Variants in SGCZ observed in about 807,000 individuals in gnomAD.
SGCZ encodes the protein zeta-sarcoglycan.
Under a neutral mutation model 41.3 loss-of-function variants are expected in SGCZ, and 40 were observed. The observed-to-expected ratio is 0.97, with a 90% CI of 0.75 to 1.26. SGCZ has a LOEUF of 1.26. SGCZ is among the 50% of genes most tolerant of loss of function. SGCZ has a pLI of 0.00. For missense variants in SGCZ, 552 were observed against 369.8 expected, an observed-to-expected ratio of 1.49 and a Z score of -4.04; for synonymous variants, 206 against 137.5, an observed-to-expected ratio of 1.50 and a Z score of -3.49.
chr8:14,240,895 C>A (rs896617186), intron 3 of SGCZ, among the ~76,000 whole-genome samples: 4 of 152,030 alleles, frequency 2.6e-5, no homozygotes, highest in African/African-American at 9.7e-5. Flanking sequence ...GATAAAAATA[C>A]GTATAATGAT....
chr8:14,484,764 T>C (rs1011242733), intron 2 of SGCZ, among the ~76,000 whole-genome samples: 1 of 152,228 alleles, frequency 6.6e-6, no homozygotes, highest in Non-Finnish European at 1.5e-5. Context: ...CATTCATTAA[T>C]ATGATTCACA....
chr8:14,624,579 T>C (rs1278277593), intron 1 of SGCZ, among the ~76,000 whole-genome samples: 1 of 137,136 alleles, frequency 7.3e-6, no homozygotes, highest in Non-Finnish European at 1.6e-5. Flanking sequence ...TTTTTTTTTT[T>C]TTTTTTTTTG....
At chr8:14,132,394 G>T (rs1803068955) in intron 5 of SGCZ, among the ~76,000 whole-genome samples, 1 of 152,180 alleles carries the variant, frequency 6.6e-6, no homozygotes, top group African/African-American at 2.4e-5. Context: ...AGCATTTACA[G>T]TGACAACTAC....
rs1585195715 is a variant in SGCZ, at chr8:14,167,411, G to T, written c.425-2709C>A. Among the ~76,000 whole-genome samples the T allele has an allele frequency of 2.6e-5, 4 of 152,236 alleles. No individual in the cohort carries two copies. The South Asian group carries it at 6.2e-4, about 24-fold the overall frequency. On this transcript the variant is annotated intron_variant, in intron 4 of 7. Transcript: ENST00000382080. ...GTAAGGAGCTCTGATTCCTTAACAA[G>T]TAGATCATAGGTGATGGGATTATCT...
chr8:14,595,373 C>T (rs556577784), intron 1 of SGCZ, among the ~76,000 whole-genome samples: 1 of 149,598 alleles, frequency 6.7e-6, no homozygotes, highest in Admixed American at 6.8e-5. Context: ...TTTGTACTCA[C>T]ATATATATAA....
At chr8:14,383,767 G>A (rs577092859) in intron 2 of SGCZ, among the ~76,000 whole-genome samples, 5 of 152,216 alleles carry the variant, frequency 3.3e-5, no homozygotes, top group East Asian at 1.9e-4. Context: ...AATTTAGTGA[G>A]GTTGTAAGAT....
At chr8:14,669,137 C>T (rs1487493081) in intron 1 of SGCZ, among the ~76,000 whole-genome samples, 1 of 151,748 alleles carries the variant, frequency 6.6e-6, no homozygotes, top group Non-Finnish European at 1.5e-5. Context: ...GAGTCCAACA[C>T]CAGCCTGAGC....
intron 2 of SGCZ, among the ~76,000 whole-genome samples, chr8:14,388,312 G>C (rs1276897212): frequency 6.6e-6 from 1 of 152,050 alleles, no homozygotes; most frequent in Non-Finnish European, 1.5e-5. Context: ...TATAGGTGCT[G>C]AGGCCTAGGA....
intron 1 of SGCZ, among the ~76,000 whole-genome samples, chr8:14,602,313 TA>T (rs1290965711): frequency 6.6e-6 from 1 of 151,912 alleles, no homozygotes; most frequent in Non-Finnish European, 1.5e-5. Flanking sequence ...GACAGTGAGG[TA>T]AACTTGGTTT....
At chr8:14,624,098 T>C (rs1806370566) in intron 1 of SGCZ, among the ~76,000 whole-genome samples, 1 of 152,230 alleles carries the variant, frequency 6.6e-6, no homozygotes, top group Non-Finnish European at 1.5e-5. Flanking sequence ...GCCGCAATAC[T>C]ATTTGCCTCT....
At chr8:14,971,072 C>T (rs904114343) in intron 1 of SGCZ, among the ~76,000 whole-genome samples, 15 of 152,030 alleles carry the variant, frequency 9.9e-5, no homozygotes, top group African/African-American at 2.7e-4. Flanking sequence ...TTTTCAATTG[C>T]TTGTTGCTAG....
chr8:15,089,343 A>T lies in SGCZ; in HGVS notation c.39+148242T>A, dbSNP rs528534647. ...AAATGAGTGTAATGATAATTTCAAG[A>T]TTTCTCCTGTCTGACTGGGACATGG... is the stretch of plus-strand genomic sequence containing the variant. On this transcript the variant is annotated intron_variant, in intron 1 of 7. Transcript: ENST00000382080. Among the ~76,000 whole-genome samples, 27 of 152,268 alleles carry T rather than the reference A, an allele frequency of 1.8e-4. No individual in the cohort carries two copies. The South Asian group carries it at 4.3e-3, about 25-fold the overall frequency.
At chr8:14,723,986 A>C (rs76333767) in intron 1 of SGCZ, among the ~76,000 whole-genome samples, 3,403 of 152,232 alleles carry the variant, frequency 0.022, 93 homozygotes, top group African/African-American at 0.059. Context: ...ATTCTTAAGC[A>C]GAAGGAATAG....
intron 1 of SGCZ, among the ~76,000 whole-genome samples, chr8:14,646,484 G>A (rs570041007): frequency 5.3e-5 from 8 of 151,800 alleles, no homozygotes; most frequent in Middle Eastern, 3.2e-3. Context: ...GGTTGAGTCC[G>A]TGTTTTCCTT....
chr8:14,713,591 GA>G (rs1809591093), intron 1 of SGCZ, among the ~76,000 whole-genome samples: 1 of 150,878 alleles, frequency 6.6e-6, no homozygotes, highest in African/African-American at 2.4e-5. Flanking sequence ...TGATTACGAA[GA>G]ACTGTGATTA....
At chr8:15,074,872 T>C (rs1383678027) in intron 1 of SGCZ, among the ~76,000 whole-genome samples, 3 of 152,138 alleles carry the variant, frequency 2.0e-5, no homozygotes, top group African/African-American at 7.2e-5. Flanking sequence ...GACTCTACTG[T>C]CTGGGCCACC....
intron 1 of SGCZ, among the ~76,000 whole-genome samples, chr8:15,155,530 T>C (rs2089627439): frequency 6.6e-6 from 1 of 152,204 alleles, no homozygotes; most frequent in South Asian, 2.1e-4. Context: ...CACAAGTAAG[T>C]TGAGTAGAGC....
chr8:14,200,242 G>T (rs1362507396), intron 4 of SGCZ, among the ~76,000 whole-genome samples: 1 of 152,132 alleles, frequency 6.6e-6, no homozygotes, highest in Non-Finnish European at 1.5e-5. Flanking sequence ...GATAGACTGT[G>T]TTCATGGATT....
chr8:14,577,309 G>C (rs1804740091), intron 1 of SGCZ, among the ~76,000 whole-genome samples: 1 of 150,952 alleles, frequency 6.6e-6, no homozygotes. Context: ...TATCTGATCT[G>C]ACAGATCTTC....
Sources: gnomAD v4.1 joint callset for allele counts (sites outside exome capture counted in the v4.1 genomes callset) on GRCh38, gnomAD v4.1.1 for gene constraint, MANE v1.5 for transcripts, NCBI Gene and HGNC (gene_info 2026-07-23, HGNC 2026-07-21) for gene names.